PNPT1: variants seen among roughly 807,000 people sequenced by gnomAD.
PNPT1 encodes polyribonucleotide nucleotidyltransferase 1.
Under a neutral mutation model 119.5 loss-of-function variants are expected in PNPT1, and 53 were observed. That is an observed-to-expected ratio of 0.44 (90% confidence interval 0.36 to 0.56). PNPT1 has a LOEUF of 0.56. Among genes scored for constraint, PNPT1 ranks in the 20% least tolerant of loss-of-function variants. The pLI is 0.00. For synonymous variants in PNPT1, 357 were observed against 322.1 expected (o/e 1.11, Z -1.16); for missense variants, 948 against 938.5 (o/e 1.01, Z -0.13).
At chr2:55,678,951 AC>A (rs1361380578) in intron 8 of PNPT1, among the ~76,000 whole-genome samples, 1 of 152,204 alleles carries the variant, frequency 6.6e-6, no homozygotes, top group African/African-American at 2.4e-5. Context: ...ACATCAGAAG[AC>A]CCTATGTCAA....
At chr2:55,679,197 C>G (rs1228308567) in intron 8 of PNPT1, among the ~76,000 whole-genome samples, 1 of 152,156 alleles carries the variant, frequency 6.6e-6, no homozygotes, top group African/African-American at 2.4e-5. Flanking sequence ...TGCATTTCTT[C>G]TATTTTATTA....
intron 18 of PNPT1, 69 bp from the exon 19 acceptor site, chr2:55,647,522 AT>A (rs764398532): frequency 0.14 from 130,478 of 911,674 alleles, no homozygotes; most frequent in East Asian, 0.18. Flanking sequence ...TTATCTATCA[AT>A]TTTTTTTTTT....
chr2:55,657,875 AAAAAAAAAAAAAAAAAAAAAAAAAAAAAG>A (rs1696437962), intron 15 of PNPT1, among the ~76,000 whole-genome samples: 1 of 73,372 alleles, frequency 1.4e-5, no homozygotes, highest in African/African-American at 8.9e-5. Flanking sequence ...AAAAAAAAAA[AAAAAAAAAAAAAAAAAAAAAAAAAAAAAG>A]AATGTAATGG....
intron 5 of PNPT1, among the ~76,000 whole-genome samples, chr2:55,681,803 C>T (rs1697256769): frequency 7.1e-6 from 1 of 141,486 alleles, no homozygotes. Context: ...GAGATCGCGC[C>T]ATTGGTCTCC....
At chr2:55,674,069 C>A (rs912005672) in intron 8 of PNPT1, among the ~76,000 whole-genome samples, 2 of 152,182 alleles carry the variant, frequency 1.3e-5, no homozygotes, top group African/African-American at 4.8e-5. Flanking sequence ...CAATAGGAAT[C>A]TAATAAATAT....
chr2:55,638,779 C>CT lies in PNPT1; in HGVS notation c.2149-1181dup, dbSNP rs540375374. Among the ~76,000 whole-genome samples, 738 of 146,112 alleles carry CT rather than the reference C, an allele frequency of 5.1e-3. 5 individuals are homozygous for CT. Among genetic ancestry groups the CT allele is most frequent in the African/African-American group, 0.014 (563 of 40,188 alleles). ...TGCTTACTGTATATCTTAAGGACATCTTTTTTTTTTTTTGAGATGGAGTCT... is the reference window on the plus strand; with the variant it reads ...TGCTTACTGTATATCTTAAGGACATCTTTTTTTTTTTTTTGAGATGGAGTCT... On this transcript the variant is annotated intron_variant, in intron 26 of 27. Transcript: ENST00000447944.
chr2:55,670,034 C>T (rs1341699405), intron 11 of PNPT1, among the ~76,000 whole-genome samples: 1 of 152,078 alleles, frequency 6.6e-6, no homozygotes, highest in African/African-American at 2.4e-5. Context: ...GCTGGGATTA[C>T]AGGCATGAGC....
chr2:55,672,866 T>A, intron 9 of PNPT1, 27 bp downstream of exon 9: 8 of 1,548,538 alleles, frequency 5.2e-6, no homozygotes, highest in Non-Finnish European at 7.0e-6. Context: ...GACAATTTCA[T>A]ATTTTCATTT....
intron 18 of PNPT1, among the ~76,000 whole-genome samples, chr2:55,652,787 G>A (rs116819324): frequency 6.6e-6 from 1 of 152,222 alleles, no homozygotes; most frequent in African/African-American, 2.4e-5. Context: ...AAAACAGAAA[G>A]TGAATTAACT....
chr2:55,683,612 C>G (rs927125911), intron 5 of PNPT1, among the ~76,000 whole-genome samples, 173 bp downstream of exon 5: 1 of 74,170 alleles, frequency 1.3e-5, no homozygotes, highest in East Asian at 4.8e-4. Context: ...GACTCTGTCT[C>G]AAAAAAAAAA....
chr2:55,684,262 C>T (rs902622375), intron 4 of PNPT1, among the ~76,000 whole-genome samples: 2 of 151,570 alleles, frequency 1.3e-5, no homozygotes, highest in Non-Finnish European at 2.9e-5. Context: ...GAGGCTGAGG[C>T]GGGTGGATCA....
intron 5 of PNPT1, 47 bp from the exon 6 acceptor site, chr2:55,680,965 T>C: frequency 6.8e-7 from 1 of 1,469,240 alleles, no homozygotes; most frequent in African/African-American, 1.4e-5. Context: ...TCATTTAGGT[T>C]AACATCCTGA....
chr2:55,634,744 T>TG lies in PNPT1; in HGVS notation c.*1492dup, dbSNP rs1187205838. The stretch of plus-strand genomic sequence containing the variant: ...CTAATTTTTGTATTTTTAGTAGAGA[T>TG]GGGGTTTCACCATGTTGGCCAGGCT... On this transcript the variant is annotated 3_prime_UTR_variant, in exon 28 of 28. Transcript: ENST00000447944. 4 of 151,872 alleles carry TG rather than the reference T, an allele frequency of 2.6e-5. No individual in the cohort carries two copies. The highest frequency in any genetic ancestry group is 5.9e-5 in the Non-Finnish European group (4 of 67,976). 9.4% of individuals were successfully genotyped at this position (151,872 alleles called of 1,614,324 possible).
Position 55,647,439 on chromosome 2 carries a change from A to C in PNPT1, c.1510T>G (p.Ser504Ala). 1 of 1,608,494 alleles carries C rather than the reference A, an allele frequency of 6.2e-7. No individual in the cohort carries two copies. Among genetic ancestry groups the C allele is most frequent in the Non-Finnish European group, 8.5e-7 (1 of 1,176,476 alleles). ...ALMDSGVPIS[S>A]AVAGVAIGLV... ...CCTATTGCTACGCCTGCAACAGCAG[A>C]TGAAATTGGAACCCCTATAATTGGG... The change falls in exon 19 of 28, where the codon TCT becomes GCT. Residue 504 changes from serine (S) to alanine (A), a missense_variant. By Grantham distance (99) the Ser-to-Ala change is moderately conservative. Coordinates refer to ENST00000447944, the MANE Select transcript of PNPT1 (RefSeq NM_033109.5).
intron 18 of PNPT1, among the ~76,000 whole-genome samples, chr2:55,647,730 C>T (rs1315823405): frequency 2.6e-5 from 4 of 151,974 alleles, no homozygotes; most frequent in Non-Finnish European, 5.9e-5. Context: ...ACCATGTTGG[C>T]CCTGTTGGTC....
chr2:55,667,852 G>C lies in PNPT1; in HGVS notation c.1073+10C>G. ...CATACTTCAATTTCAACAAAAAAGGGTATGTTTACCTTTTGTATTCATTCA... is the reference window on the plus strand; with the variant it reads ...CATACTTCAATTTCAACAAAAAAGGCTATGTTTACCTTTTGTATTCATTCA... On this transcript the variant is annotated intron_variant, in intron 12 of 27. Coordinates refer to ENST00000447944, the MANE Select transcript of PNPT1 (RefSeq NM_033109.5). 1 of 1,596,086 alleles carries C rather than the reference G, an allele frequency of 6.3e-7. No individual in the cohort carries two copies. Among genetic ancestry groups the C allele is most frequent in the Non-Finnish European group, 8.5e-7 (1 of 1,174,464 alleles).
At chr2:55,651,082 G>T (rs1402342935) in intron 18 of PNPT1, among the ~76,000 whole-genome samples, 8 of 136,392 alleles carry the variant, frequency 5.9e-5, no homozygotes, top group Admixed American at 2.2e-4. Context: ...GGGGGGGTCA[G>T]CCCCCCCGCC....
At chr2:55,678,761 T>G (rs1454223014) in intron 8 of PNPT1, among the ~76,000 whole-genome samples, 1 of 152,224 alleles carries the variant, frequency 6.6e-6, no homozygotes, top group Non-Finnish European at 1.5e-5. Context: ...TAAGTCTTGT[T>G]TATTTGGTTC....
chr2:55,664,013 T>C (rs1439029600), intron 13 of PNPT1, among the ~76,000 whole-genome samples: 1 of 152,040 alleles, frequency 6.6e-6, no homozygotes, highest in Non-Finnish European at 1.5e-5. Context: ...CATAGGATGA[T>C]ATTAAAGGAA....
Sources: allele counts gnomAD v4.1 joint callset (sites outside exome capture counted in the v4.1 genomes callset), GRCh38; gene constraint gnomAD v4.1.1; transcripts MANE v1.5; gene names NCBI Gene and HGNC (gene_info 2026-07-23, HGNC 2026-07-21).